RBCK1: variants seen among roughly 807,000 people sequenced by gnomAD.
RBCK1 encodes the protein RANBP2-type and C3HC4-type zinc finger containing 1.
RBCK1 carries 44 observed loss-of-function variants against 71.1 expected under a neutral mutation model. The observed-to-expected ratio is 0.62, with a 90% CI of 0.49 to 0.80. The LOEUF (loss-of-function observed/expected upper bound fraction) is 0.80, where lower values mean the gene tolerates loss of function less well. RBCK1 is among the 30% of genes least tolerant of loss of function. The probability of loss-of-function intolerance (pLI) is 0.00; values close to 1 mark genes in which losing one functional copy is unlikely to be tolerated. For synonymous variants in RBCK1, 306 were observed against 279.7 expected, an observed-to-expected ratio of 1.09 and a Z score of -0.94; for missense variants, 569 against 685.0, an observed-to-expected ratio of 0.83 and a Z score of 1.89.
At chr20:429,226 A>ATT (rs146561173) in intron 11 of RBCK1, 132 bp downstream of exon 11, 1,952 of 998,114 alleles carry the variant, frequency 2.0e-3, no homozygotes, top group Middle Eastern at 3.1e-3. Context: ...CGAGGTAAGA[A>ATT]TTTTTTTTTT....
At chr20:424,608 C>T (rs1408073350) in intron 8 of RBCK1, among the ~76,000 whole-genome samples, 1 of 152,212 alleles carries the variant, frequency 6.6e-6, no homozygotes, top group Admixed American at 6.5e-5. Context: ...TCTCTGTTGT[C>T]TCTGGGTGGT....
intron 8 of RBCK1, among the ~76,000 whole-genome samples, chr20:423,148 A>T (rs140934287): frequency 0.013 from 1,906 of 152,234 alleles, 39 homozygotes; most frequent in African/African-American, 0.043. Flanking sequence ...AAAAATAGAA[A>T]ATTAGCCGGG....
chr20:410,368 G>A, intron 2 of RBCK1: 1 of 774,842 alleles, frequency 1.3e-6, no homozygotes, highest in South Asian at 1.4e-5. Flanking sequence ...ACAGTCCTCA[G>A]AGGCTCATAT....
Position 431,925 on chromosome 20 carries a change from C to A in RBCK1, c.*1495C>A, listed in dbSNP as rs1181191997. Among the ~76,000 whole-genome samples the A allele has an allele frequency of 6.6e-6, 1 of 152,196 alleles. No individual in the cohort carries two copies. The highest frequency in any genetic ancestry group is 2.4e-5 in the African/African-American group (1 of 41,458). Reference sequence around the variant, plus strand: ...TGGGACCAGCTCAGGCAGACGCTGTCTCATACCCACTCTCCCCTCTCTTGC... The same window carrying A: ...TGGGACCAGCTCAGGCAGACGCTGTATCATACCCACTCTCCCCTCTCTTGC... On this transcript the variant is annotated 3_prime_UTR_variant, in exon 12 of 12. Coordinates refer to ENST00000356286, the MANE Select transcript of RBCK1 (RefSeq NM_031229.4). This position sits in a 1 kb window ranked among gnomAD's most constrained non-coding sequence, Gnocchi z 4.8.
chr20:427,008 A>G (rs982538056), intron 8 of RBCK1, among the ~76,000 whole-genome samples: 1 of 150,964 alleles, frequency 6.6e-6, no homozygotes, highest in Non-Finnish European at 1.5e-5. Context: ...TTTTAAAAAA[A>G]TTTTTTGGTA....
intron 8 of RBCK1, among the ~76,000 whole-genome samples, chr20:425,144 G>A (rs1347104007): frequency 6.6e-6 from 1 of 152,082 alleles, no homozygotes; most frequent in East Asian, 1.9e-4. Context: ...CCAAGTAGCT[G>A]GGACTAGAGG....
intron 6 of RBCK1, 90 bp from the exon 7 acceptor site, chr20:420,781 C>A: frequency 8.8e-7 from 1 of 1,134,536 alleles, no homozygotes; most frequent in Non-Finnish European, 1.2e-6. Context: ...CTGACCCAGC[C>A]CTGACCACGC....
intron 2 of RBCK1, among the ~76,000 whole-genome samples, chr20:412,181 G>A (rs558689190): frequency 2.6e-5 from 4 of 152,174 alleles, no homozygotes; most frequent in Non-Finnish European, 5.9e-5. Flanking sequence ...ATCCTAGTAA[G>A]TTTGAAGAGG....
chr20:409,882 A>C lies in RBCK1; in HGVS notation c.24A>C (p.Ala8=). 6.2e-7 allele frequency: 1 copy of C among 1,613,602 alleles called. No individual in the cohort carries two copies. Among genetic ancestry groups the C allele is most frequent in the Non-Finnish European group, 8.5e-7 (1 of 1,179,724 alleles). Residue 8 remains alanine, a splice_region_variant and synonymous_variant, in exon 2 of 12, where the codon GCA becomes GCC. Coordinates refer to ENST00000356286, the MANE Select transcript of RBCK1 (RefSeq NM_031229.4). The part of the protein sequence containing the change: MDEKTKK[A]EEMALSLTRA... ...GGCTCCTGCTGTACTGGCTTTCAGC[A>C]GAGGAAATGGCCCTGAGCCTCACCC...
rs1444412251 is a variant in RBCK1, at chr20:422,493, C to G, written c.1029+255C>G. ...AAAAGAATTGAGGGGAGTAGCTAGTCAAGAAACCACATCTATGAAGGAAGG... is the reference window on the plus strand; with the variant it reads ...AAAAGAATTGAGGGGAGTAGCTAGTGAAGAAACCACATCTATGAAGGAAGG... On this transcript the variant is annotated intron_variant, in intron 8 of 11. Coordinates refer to ENST00000356286, the MANE Select transcript of RBCK1 (RefSeq NM_031229.4). The surrounding 1 kb of genome is among the most constrained non-coding windows in gnomAD (Gnocchi z 5.0). 7.2e-6 allele frequency among the ~76,000 whole-genome samples: 1 copy of G among 138,694 alleles called. No homozygotes were observed. The highest frequency in any genetic ancestry group is 1.6e-5 in the Non-Finnish European group (1 of 64,498). 91.0% of individuals were successfully genotyped at this position (138,694 alleles called of 152,430 possible).
rs1484555955 is a variant in RBCK1, at chr20:417,568, C to T, written c.210C>T (p.Thr70=). The change falls in exon 3 of 12, where the codon ACC becomes ACT. Residue 70 remains threonine (T), a synonymous_variant. Transcript: ENST00000356286. This position sits in a 1 kb window ranked among gnomAD's most constrained non-coding sequence, Gnocchi z 4.7. ...AGGATGCTCAGATGCACACCGTCAC[C>T]ATCTGGCTCACAGTGCGCCCTGATA... The part of the protein sequence containing the change: ...SVEDAQMHTV[T]IWLTVRPDMT... 2 of 1,614,000 alleles carry T rather than the reference C, an allele frequency of 1.2e-6. No homozygotes were observed. Among genetic ancestry groups the T allele is most frequent in the East Asian group, 2.2e-5 (1 of 44,890 alleles).
intron 2 of RBCK1, among the ~76,000 whole-genome samples, chr20:415,693 G>C (rs771854201): frequency 1.3e-5 from 2 of 152,002 alleles, no homozygotes; most frequent in African/African-American, 4.8e-5. Flanking sequence ...GACCACTCTA[G>C]CATTGCTACA....
At chr20:414,057 A>C (rs934808464) in intron 2 of RBCK1, among the ~76,000 whole-genome samples, 1 of 151,892 alleles carries the variant, frequency 6.6e-6, no homozygotes, top group Non-Finnish European at 1.5e-5. Flanking sequence ...CTGCTACTAG[A>C]AATTATAGAT....
chr20:422,339 T>G lies in RBCK1; in HGVS notation c.1029+101T>G. The G allele has an allele frequency of 1.1e-6, 1 of 926,848 alleles. No homozygotes were observed. The highest frequency in any genetic ancestry group is 1.7e-6 in the Non-Finnish European group (1 of 594,534). The allele number at this position is 926,848 out of a possible 1,614,324, so 57.4% of individuals were successfully genotyped here. The stretch of plus-strand genomic sequence containing the variant: ...CTTTCTTTTCTTTCTTTTTTTTTTT[T>G]GGAGATGGGGTCTCACTATGTTGTC... On this transcript the variant is annotated intron_variant, in intron 8 of 11. Transcript: ENST00000356286. This position sits in a 1 kb window ranked among gnomAD's most constrained non-coding sequence, Gnocchi z 5.0.
At position 418,390 on chromosome 20, in the gene RBCK1, A is replaced by G. The variant is rs1400056751; in HGVS notation, c.460+460A>G. Among the ~76,000 whole-genome samples the G allele has an allele frequency of 2.6e-5, 4 of 151,046 alleles. No individual in the cohort carries two copies. In the East Asian group the frequency reaches 7.8e-4, roughly 29 times the overall value. The stretch of plus-strand genomic sequence containing the variant: ...CATGTGCTTTCTTTTTTTTTTTGAG[A>G]CGGAGTCTCGCTCTGTCGCCCAGGC... On this transcript the variant is annotated intron_variant, in intron 4 of 11. Transcript: ENST00000356286.
chr20:412,741 T>C (rs2015781183), intron 2 of RBCK1, among the ~76,000 whole-genome samples: 1 of 152,268 alleles, frequency 6.6e-6, no homozygotes, highest in Non-Finnish European at 1.5e-5. Flanking sequence ...GTGGATTGTC[T>C]TCTCACTTTG....
chr20:413,026 A>C (rs911529400), intron 2 of RBCK1, among the ~76,000 whole-genome samples: 1 of 152,188 alleles, frequency 6.6e-6, no homozygotes, highest in African/African-American at 2.4e-5. Context: ...TTGTGCCGGC[A>C]CTATTTGTTA....
rs771658713 is a variant in RBCK1 at position 428,528 on chromosome 20, A to G, written c.1247A>G (p.Glu416Gly). 6.2e-7 allele frequency: 1 copy of G among 1,612,480 alleles called. No homozygotes were observed. The change falls in exon 10 of 12, where the codon GAG becomes GGG. Residue 416 changes from glutamate (E) to glycine (G), a missense_variant. By Grantham distance (98) the Glu-to-Gly change is moderately conservative. This residue lies in a region of RBCK1 where 211 missense variants were observed against 309.4 expected (regional missense o/e 0.68). Transcript: ENST00000356286. This position sits in a 1 kb window ranked among gnomAD's most constrained non-coding sequence, Gnocchi z 5.7. The part of the protein sequence containing the change: ...HEQMNCKEYQ[E>G]DLALRAQNDV... ...CAGATGAACTGCAAGGAGTATCAGG[A>G]GGACCTGGCCCTGCGGGCTCAGAAC...
intron 8 of RBCK1, among the ~76,000 whole-genome samples, chr20:427,002 A>T (rs561464973): frequency 4.3e-5 from 5 of 117,558 alleles, no homozygotes; most frequent in East Asian, 2.3e-4. Context: ...TTTATTTTTT[A>T]AAAAAATTTT....
Sources: gnomAD v4.1 joint callset for allele counts (sites outside exome capture counted in the v4.1 genomes callset) on GRCh38, gnomAD v4.1.1 for gene constraint, gnomAD v4.1.1 regional missense constraint, Gnocchi (gnomAD v3.1) non-coding constraint, MANE v1.5 for transcripts, NCBI Gene and HGNC (gene_info 2026-07-23, HGNC 2026-07-21) for gene names.